CPED1: variants seen among roughly 807,000 people sequenced by gnomAD.
CPED1 encodes the protein cadherin-like and PC-esterase domain-containing protein 1.
In CPED1, 114 loss-of-function variants were observed where a neutral mutation model predicts 128.2. That is an observed-to-expected ratio of 0.89 (90% CI 0.76 to 1.04). The LOEUF (loss-of-function observed/expected upper bound fraction) is 1.04. Among genes scored for constraint, CPED1 ranks in the 50% least tolerant of loss-of-function variants. The pLI is 0.00. For missense variants in CPED1, 1,211 were observed against 1,207.1 expected, an observed-to-expected ratio of 1.00 and a Z score of -0.05; for synonymous variants, 462 against 426.7, an observed-to-expected ratio of 1.08 and a Z score of -1.02.
At chr7:121,148,805 A>G (rs949684982) in intron 16 of CPED1, among the ~76,000 whole-genome samples, 7 of 152,186 alleles carry the variant, frequency 4.6e-5, no homozygotes, top group African/African-American at 1.7e-4. Context: ...ATTACATTTT[A>G]CAATAGTGTT....
At chr7:121,225,136 G>A (rs1386445635) in intron 16 of CPED1, among the ~76,000 whole-genome samples, 8 of 151,998 alleles carry the variant, frequency 5.3e-5, no homozygotes, top group Admixed American at 5.2e-4. Flanking sequence ...CATGTTTAGT[G>A]CTTCCTTCAG....
chr7:121,277,674 C>CTT (rs1792356958), intron 22 of CPED1, among the ~76,000 whole-genome samples: 1 of 152,082 alleles, frequency 6.6e-6, no homozygotes, highest in Admixed American at 6.5e-5. Context: ...TGCTGTTCCC[C>CTT]CTGAGCGAAT....
chr7:121,256,391 G>T (rs1198739976), intron 18 of CPED1, among the ~76,000 whole-genome samples: 1 of 152,030 alleles, frequency 6.6e-6, no homozygotes, highest in Admixed American at 6.6e-5. Flanking sequence ...GCAGAAGAAT[G>T]AAACCGGACC....
In CPED1 at chr7:121,236,825, A is replaced by G; in HGVS notation, c.2167A>G (p.Met723Val). ...ACTAAAAAGATGTCCATCTGGGGAC[A>G]TGAAAGGTGACTATCACATTGGATA... ...SELKRCPSGD[M>V]KGQWIVPCLS... The change falls in exon 17 of 23, where the codon ATG becomes GTG. Residue 723 changes from methionine (M) to valine (V), a missense_variant. Transcript: ENST00000310396. 2 of 1,547,122 alleles carry G rather than the reference A, an allele frequency of 1.3e-6. No homozygotes were observed. The highest frequency in any genetic ancestry group is 1.8e-6 in the Non-Finnish European group (2 of 1,126,758).
intron 16 of CPED1, among the ~76,000 whole-genome samples, chr7:121,176,193 GAAAAA>G (rs34712656): frequency 4.8e-5 from 3 of 62,046 alleles, no homozygotes; most frequent in African/African-American, 8.2e-5. Flanking sequence ...CTCCCCGCTG[GAAAAA>G]AAAAAAAAAA....
At chr7:121,249,838 A>G (rs1163033978) in intron 18 of CPED1, among the ~76,000 whole-genome samples, 1 of 152,216 alleles carries the variant, frequency 6.6e-6, no homozygotes, top group Non-Finnish European at 1.5e-5. Flanking sequence ...TTAGTGACCT[A>G]TAAAGAGACT....
At chr7:121,104,498 A>T (rs1018936879) in intron 7 of CPED1, among the ~76,000 whole-genome samples, 1 of 152,178 alleles carries the variant, frequency 6.6e-6, no homozygotes, top group African/African-American at 2.4e-5. Flanking sequence ...ACTTTTTATG[A>T]TGTCTGAAGA....
intron 5 of CPED1, among the ~76,000 whole-genome samples, chr7:121,081,738 C>T (rs1314664443): frequency 1.3e-5 from 2 of 152,138 alleles, no homozygotes; most frequent in Non-Finnish European, 2.9e-5. Context: ...ATAATTAGTA[C>T]TCGCTTTTGG....
intron 22 of CPED1, among the ~76,000 whole-genome samples, chr7:121,294,678 A>G (rs1029472044): frequency 7.2e-5 from 11 of 152,098 alleles, no homozygotes; most frequent in Non-Finnish European, 2.9e-5. Flanking sequence ...AGGATTTATC[A>G]TAAGTGTGCT....
chr7:121,150,253 C>G (rs908883778), intron 16 of CPED1, among the ~76,000 whole-genome samples: 11 of 150,938 alleles, frequency 7.3e-5, no homozygotes, highest in African/African-American at 2.7e-4. Context: ...TCTTCATGTC[C>G]ATGTATGCCC....
At chr7:121,204,270 CTA>C (rs1245975660) in intron 16 of CPED1, among the ~76,000 whole-genome samples, 1 of 151,700 alleles carries the variant, frequency 6.6e-6, no homozygotes, top group Admixed American at 6.6e-5. Flanking sequence ...GATTGGAAGT[CTA>C]AAAGTCCATA....
intron 16 of CPED1, among the ~76,000 whole-genome samples, chr7:121,217,891 C>CTG (rs908639561): frequency 2.6e-5 from 4 of 151,850 alleles, no homozygotes; most frequent in African/African-American, 9.7e-5. Flanking sequence ...AGGTGTGTAC[C>CTG]TGTGTGTGTG....
At chr7:121,147,089 C>T (rs902351538) in intron 16 of CPED1, among the ~76,000 whole-genome samples, 1 of 152,110 alleles carries the variant, frequency 6.6e-6, no homozygotes, top group African/African-American at 2.4e-5. Context: ...AAAGTCAACC[C>T]TGATTGAGAA....
intron 16 of CPED1, among the ~76,000 whole-genome samples, chr7:121,163,288 T>C (rs1796451932): frequency 6.6e-6 from 1 of 152,186 alleles, no homozygotes; most frequent in African/African-American, 2.4e-5. Context: ...TTAGTCAATG[T>C]TCTTGTGCAG....
chr7:121,239,601 A>G (rs918751163), intron 17 of CPED1, among the ~76,000 whole-genome samples: 1 of 152,194 alleles, frequency 6.6e-6, no homozygotes, highest in Non-Finnish European at 1.5e-5. Flanking sequence ...CTTTAACACT[A>G]ATATTGAAAA....
chr7:121,010,766 C>T (rs1038302782), intron 2 of CPED1, among the ~76,000 whole-genome samples: 1 of 152,078 alleles, frequency 6.6e-6, no homozygotes, highest in African/African-American at 2.4e-5. Context: ...GTTAAGTCAG[C>T]TGTAAGATGC....
chr7:121,133,925 C>A, intron 13 of CPED1, 32 bp downstream of exon 13: 4 of 1,298,912 alleles, frequency 3.1e-6, no homozygotes, highest in Non-Finnish European at 4.3e-6. Flanking sequence ...CTTATTTCAA[C>A]ATAAAAATAA....
At chr7:121,247,212 G>A (rs1798559349) in intron 18 of CPED1, among the ~76,000 whole-genome samples, 1 of 152,192 alleles carries the variant, frequency 6.6e-6, no homozygotes, top group Non-Finnish European at 1.5e-5. Flanking sequence ...TAATCCCGTT[G>A]ATGTAAAATC....
intron 3 of CPED1, among the ~76,000 whole-genome samples, chr7:121,016,633 GTGA>G: frequency 6.6e-6 from 1 of 152,296 alleles, no homozygotes; most frequent in South Asian, 2.1e-4. Flanking sequence ...TGGACAGATG[GTGA>G]TACCTGTGTT....
Sources: gnomAD v4.1 joint callset for allele counts (sites outside exome capture counted in the v4.1 genomes callset) on GRCh38, gnomAD v4.1.1 for gene constraint, MANE v1.5 for transcripts, NCBI Gene and HGNC (gene_info 2026-07-23, HGNC 2026-07-21) for gene names.